Variants in PPP3CA observed in about 807,000 individuals in gnomAD.
PPP3CA encodes the protein CAM-PRP catalytic subunit.
PPP3CA carries 14 observed loss-of-function variants against 66.5 expected under a neutral mutation model. That is an observed-to-expected ratio of 0.21 (90% CI 0.14 to 0.33). The LOEUF (loss-of-function observed/expected upper bound fraction) is 0.33. Ranked by LOEUF, PPP3CA falls within the 10% of genes least tolerant of loss-of-function variation. The pLI, the probability that PPP3CA is intolerant of heterozygous loss-of-function variation, is 1.00. For synonymous variants in PPP3CA, 232 were observed against 226.2 expected, an observed-to-expected ratio of 1.03 and a Z score of -0.23; for missense variants, 317 against 639.5, an observed-to-expected ratio of 0.50 and a Z score of 5.44.
chr4:101,338,601 C>T (rs1418312772), intron 1 of PPP3CA, among the ~76,000 whole-genome samples: 1 of 152,184 alleles, frequency 6.6e-6, no homozygotes, highest in Non-Finnish European at 1.5e-5. Flanking sequence ...CAAGTCATCA[C>T]AGCAACATGC....
At chr4:101,141,326 C>T (rs561573839) in intron 2 of PPP3CA, among the ~76,000 whole-genome samples, 13 of 152,194 alleles carry the variant, frequency 8.5e-5, no homozygotes, top group Non-Finnish European at 1.6e-4. Context: ...GTCCAGATCA[C>T]GCCACTGCAT....
chr4:101,156,937 GAAGAGA>G (rs1560631644), intron 2 of PPP3CA, among the ~76,000 whole-genome samples: 1 of 152,170 alleles, frequency 6.6e-6, no homozygotes, highest in Non-Finnish European at 1.5e-5. Flanking sequence ...AAATGAATTA[GAAGAGA>G]AAGAGACAAA....
At chr4:101,170,830 C>T (rs577102143) in intron 2 of PPP3CA, among the ~76,000 whole-genome samples, 6 of 152,248 alleles carry the variant, frequency 3.9e-5, no homozygotes, top group African/African-American at 1.4e-4. Context: ...TTTATTTAAA[C>T]TCTTATTTAT....
At chr4:101,107,468 T>C (rs1331649091) in intron 3 of PPP3CA, among the ~76,000 whole-genome samples, 1 of 152,234 alleles carries the variant, frequency 6.6e-6, no homozygotes, top group Admixed American at 6.5e-5. Flanking sequence ...CATACTTGTT[T>C]ATCAAATGGA....
At chr4:101,201,515 C>G (rs189825044) in intron 1 of PPP3CA, among the ~76,000 whole-genome samples, 63 of 152,318 alleles carry the variant, frequency 4.1e-4, no homozygotes, top group Non-Finnish European at 6.9e-4. Context: ...CATAAGTAAA[C>G]GCATACAAAA....
chr4:101,325,659 C>A (rs1474917214), intron 1 of PPP3CA, among the ~76,000 whole-genome samples: 1 of 152,008 alleles, frequency 6.6e-6, no homozygotes, highest in African/African-American at 2.4e-5. Context: ...TGGCAAATGA[C>A]GGCTAACCAT....
intron 1 of PPP3CA, among the ~76,000 whole-genome samples, chr4:101,316,361 A>G (rs973035633): frequency 6.7e-6 from 1 of 149,210 alleles, no homozygotes; most frequent in East Asian, 1.9e-4. Flanking sequence ...TAGGGAGGCT[A>G]TAATACCCCA....
chr4:101,052,058 C>T (rs939043989), intron 10 of PPP3CA, among the ~76,000 whole-genome samples: 3 of 151,820 alleles, frequency 2.0e-5, no homozygotes, highest in Admixed American at 1.3e-4. Context: ...CTGCAAATTA[C>T]GAGCTTCCAT....
chr4:101,135,245 CAAAAA>C (rs11290239), intron 2 of PPP3CA, among the ~76,000 whole-genome samples: 19 of 142,140 alleles, frequency 1.3e-4, no homozygotes, highest in African/African-American at 3.0e-4. Context: ...TAATCCTTCT[CAAAAA>C]AAAAAAAAAA....
intron 1 of PPP3CA, among the ~76,000 whole-genome samples, chr4:101,209,988 G>T (rs560493571): frequency 6.6e-6 from 1 of 152,138 alleles, no homozygotes; most frequent in African/African-American, 2.4e-5. Context: ...GTAAAGCATC[G>T]AATAAAGGGT....
intron 2 of PPP3CA, among the ~76,000 whole-genome samples, chr4:101,187,572 T>C (rs1403156833): frequency 6.6e-6 from 1 of 152,116 alleles, no homozygotes; most frequent in Non-Finnish European, 1.5e-5. Context: ...AAAGCAGTGG[T>C]TGAGATTAAG....
intron 2 of PPP3CA, among the ~76,000 whole-genome samples, chr4:101,166,013 C>T (rs1156392254): frequency 6.6e-6 from 1 of 152,112 alleles, no homozygotes; most frequent in African/African-American, 2.4e-5. Context: ...AGAATACATA[C>T]AACCAGATAA....
chr4:101,128,728 T>G (rs1458514792), intron 2 of PPP3CA, among the ~76,000 whole-genome samples: 1 of 152,080 alleles, frequency 6.6e-6, no homozygotes, highest in African/African-American at 2.4e-5. Context: ...GATACTACGC[T>G]TTCCCCACGG....
rs1726233750 is a variant in PPP3CA at position 101,239,522 on chromosome 4, T to C, written c.59-43406A>G. ...CCTAAGGACAATTAGGAAATTTAGT[T>C]ATCACAATTTGGAAGCAAGAAGAAT... is the stretch of plus-strand genomic sequence containing the variant. On this transcript the variant is annotated intron_variant, in intron 1 of 13. Coordinates refer to ENST00000394854, the MANE Select transcript of PPP3CA (RefSeq NM_000944.5). 2.0e-5 allele frequency among the ~76,000 whole-genome samples: 3 copies of C among 151,998 alleles called. No homozygotes were observed. In the South Asian group the frequency reaches 6.2e-4, roughly 31 times the overall value.
At chr4:101,214,556 T>C (rs1209900642) in intron 1 of PPP3CA, among the ~76,000 whole-genome samples, 2 of 152,074 alleles carry the variant, frequency 1.3e-5, no homozygotes, top group African/African-American at 4.8e-5. Context: ...ACGTGCTGGC[T>C]TTCTGCACTG....
intron 2 of PPP3CA, among the ~76,000 whole-genome samples, chr4:101,183,701 T>C (rs1360100839): frequency 6.6e-6 from 1 of 152,170 alleles, no homozygotes; most frequent in African/African-American, 2.4e-5. Context: ...TGTGTCACCA[T>C]TATGAACAAT....
intron 11 of PPP3CA, 33 bp from the exon 12 acceptor site, chr4:101,032,397 T>TTAA (rs758381333): frequency 1.3e-6 from 2 of 1,542,388 alleles, no homozygotes; most frequent in East Asian, 2.3e-5. Context: ...ACATTAACTT[T>TTAA]TAATTTCTTT....
intron 8 of PPP3CA, among the ~76,000 whole-genome samples, chr4:101,069,718 C>T (rs1401083288): frequency 2.0e-5 from 3 of 150,440 alleles, no homozygotes; most frequent in Non-Finnish European, 4.4e-5. Flanking sequence ...TCTTCCTTCT[C>T]CTCAGCCTGC....
At chr4:101,210,375 G>A (rs555620554) in intron 1 of PPP3CA, among the ~76,000 whole-genome samples, 3 of 152,256 alleles carry the variant, frequency 2.0e-5, no homozygotes, top group African/African-American at 7.2e-5. Context: ...GAACTCAGAA[G>A]CCAGACTGCC....
Sources: allele counts gnomAD v4.1 joint callset (sites outside exome capture counted in the v4.1 genomes callset), GRCh38; gene constraint gnomAD v4.1.1; transcripts MANE v1.5; gene names NCBI Gene and HGNC (gene_info 2026-07-23, HGNC 2026-07-21).